The following CLDN14 variants were observed in gnomAD, a reference collection of about 807,000 sequenced individuals.
CLDN14 encodes claudin-14.
A neutral mutation model predicts 2.1 loss-of-function variants in CLDN14; 2 were observed. The ratio of observed to expected loss-of-function variants is 0.96; its 90% CI spans 0.39 to 3.01. CLDN14 has a LOEUF of 3.01. CLDN14 is among the 30% of genes most tolerant of loss of function. The pLI is 0.09. For missense variants in CLDN14, 298 were observed against 328.0 expected (o/e 0.91, Z 0.71); for synonymous variants, 136 against 154.4 (o/e 0.88, Z 0.88).
At chr21:36,552,678 C>G (rs974804100) in intron 1 of CLDN14, among the ~76,000 whole-genome samples, 1 of 98,600 alleles carries the variant, frequency 1.0e-5, no homozygotes, top group African/African-American at 3.1e-5. Context: ...TATGATAAAA[C>G]AAGACAAAAA....
At chr21:36,570,325 T>C (rs1360698085) in intron 1 of CLDN14, among the ~76,000 whole-genome samples, 2 of 152,204 alleles carry the variant, frequency 1.3e-5, no homozygotes, top group African/African-American at 2.4e-5. Context: ...AAGGTCTGTG[T>C]TGATGCTAAT....
At position 36,472,530 on chromosome 21, in the gene CLDN14, G is replaced by A. The variant is rs189754873; in HGVS notation, c.-82+6965C>T. 1.2e-4 allele frequency among the ~76,000 whole-genome samples: 18 copies of A among 152,328 alleles called. No homozygotes were observed. The East Asian group carries it at 3.3e-3, about 28-fold the overall frequency. ...TCTGTGAAGTTAGTCCTTGGACAAG[G>A]TTAACATTGAAAGCAGATTGCCCTC... is the stretch of plus-strand genomic sequence containing the variant. On this transcript the variant is annotated intron_variant, in intron 1 of 1. Transcript: ENST00000399135.
intron 1 of CLDN14, among the ~76,000 whole-genome samples, chr21:36,563,492 G>A (rs1269088577): frequency 6.6e-6 from 1 of 152,068 alleles, no homozygotes; most frequent in Non-Finnish European, 1.5e-5. Context: ...TGAATTCCGT[G>A]AATAACAACA....
chr21:36,463,180 C>T (rs2086601835), intron 1 of CLDN14, among the ~76,000 whole-genome samples: 1 of 152,212 alleles, frequency 6.6e-6, no homozygotes, highest in Non-Finnish European at 1.5e-5. Flanking sequence ...AGGTCCCAGC[C>T]CTGGCTGCGC....
At chr21:36,534,318 G>A (rs1336890989) in intron 1 of CLDN14, among the ~76,000 whole-genome samples, 1 of 152,100 alleles carries the variant, frequency 6.6e-6, no homozygotes, top group South Asian at 2.1e-4. Flanking sequence ...GGGAGTCTCC[G>A]GCAAGGCATG....
intron 1 of CLDN14, among the ~76,000 whole-genome samples, chr21:36,514,715 G>A (rs376673826): frequency 1.3e-5 from 2 of 151,446 alleles, no homozygotes; most frequent in East Asian, 3.9e-4. Context: ...GAGAGGAGAA[G>A]GGGGAGAAGG....
chr21:36,500,090 A>C (rs868039800), intron 2 of CLDN14, among the ~76,000 whole-genome samples: 1 of 152,220 alleles, frequency 6.6e-6, no homozygotes, highest in African/African-American at 2.4e-5. Context: ...GTGGTGTTTG[A>C]CTTGGCTTAG....
chr21:36,461,078 G>A lies in CLDN14; in HGVS notation c.618C>T (p.Asn206=), dbSNP rs184035890. The part of the protein sequence containing the change: ...APPRATTTTA[N]TAPAYQPPAA... ...CTGGTGGCTGGTAGGCAGGTGCGGT[G>A]TTTGCAGTGGTCGTGGTGGCCCTGG... Residue 206 remains asparagine (N), a synonymous_variant, in exon 2 of 2, where the codon AAC becomes AAT. Coordinates refer to ENST00000399135, the MANE Select transcript of CLDN14 (RefSeq NM_001146079.2). The A allele has an allele frequency of 4.3e-6, 7 of 1,614,120 alleles. No individual in the cohort carries two copies. Among genetic ancestry groups the A allele is most frequent in the Admixed American group, 1.7e-5 (1 of 60,036 alleles).
At chr21:36,464,292 T>C (rs768972737) in intron 1 of CLDN14, among the ~76,000 whole-genome samples, 11 of 152,198 alleles carry the variant, frequency 7.2e-5, no homozygotes, top group Non-Finnish European at 4.4e-5. Context: ...TGAGAGCCAA[T>C]GAAACCTCTT....
rs181898636 is a variant in CLDN14, at chr21:36,472,767, T to G, written c.-82+6728A>C. Among the ~76,000 whole-genome samples, 4 of 152,316 alleles carry G rather than the reference T, an allele frequency of 2.6e-5. No individual in the cohort carries two copies. The East Asian group carries it at 7.7e-4, about 29-fold the overall frequency. On this transcript the variant is annotated intron_variant, in intron 1 of 1. Transcript: ENST00000399135. The stretch of plus-strand genomic sequence containing the variant: ...TCCTGGTGGAAATTCACCTGACGTC[T>G]TCTTTGCATGCAGGCAGAGGAAATC...
intron 2 of CLDN14, among the ~76,000 whole-genome samples, chr21:36,488,234 C>CTTCG (rs1177617581): frequency 7.1e-6 from 1 of 140,732 alleles, no homozygotes; most frequent in Non-Finnish European, 1.6e-5. Context: ...TCCTTCCTTC[C>CTTCG]TTCCTTCCTT....
intron 1 of CLDN14, among the ~76,000 whole-genome samples, chr21:36,557,541 T>A (rs535196667): frequency 6.6e-6 from 1 of 152,346 alleles, no homozygotes; most frequent in Admixed American, 6.5e-5. Flanking sequence ...ATTAGTGACG[T>A]TGACCATCTT....
chr21:36,524,073 C>G (rs551702688), intron 1 of CLDN14, among the ~76,000 whole-genome samples: 25 of 152,128 alleles, frequency 1.6e-4, no homozygotes, highest in African/African-American at 5.8e-4. Context: ...GATCTATACC[C>G]ATCAGCAGTG....
At chr21:36,517,708 G>T (rs1280478930) in intron 1 of CLDN14, among the ~76,000 whole-genome samples, 1 of 152,210 alleles carries the variant, frequency 6.6e-6, no homozygotes, top group Non-Finnish European at 1.5e-5. Flanking sequence ...CCAGAGAATT[G>T]CTGTGATTAA....
chr21:36,493,606 C>T (rs553658942), intron 2 of CLDN14, among the ~76,000 whole-genome samples: 11 of 151,952 alleles, frequency 7.2e-5, no homozygotes, highest in African/African-American at 1.9e-4. Context: ...TCCTGGGGCA[C>T]GAGGAGGAGG....
chr21:36,485,303 G>A (rs1033009834), intron 2 of CLDN14, among the ~76,000 whole-genome samples: 1 of 143,864 alleles, frequency 7.0e-6, no homozygotes, highest in Non-Finnish European at 1.6e-5. Flanking sequence ...TTGCCTCCCA[G>A]GTTCAAGCGA....
intron 1 of CLDN14, among the ~76,000 whole-genome samples, chr21:36,521,975 AT>A (rs1706571475): frequency 6.6e-5 from 10 of 152,212 alleles, no homozygotes; most frequent in Admixed American, 6.5e-4. Flanking sequence ...AGAATTTTCT[AT>A]CAGCAGCAAC....
chr21:36,549,838 C>A (rs1167622001), intron 1 of CLDN14, among the ~76,000 whole-genome samples: 1 of 152,216 alleles, frequency 6.6e-6, no homozygotes, highest in Non-Finnish European at 1.5e-5. Context: ...CGCAATCGTC[C>A]CCTGGCCTTG....
intron 1 of CLDN14, among the ~76,000 whole-genome samples, chr21:36,539,724 T>G (rs1367521874): frequency 6.7e-6 from 1 of 148,386 alleles, no homozygotes; most frequent in Admixed American, 6.7e-5. Flanking sequence ...TGTTAGTGTG[T>G]GTGGAGTGAG....
Sources: allele counts gnomAD v4.1 joint callset (sites outside exome capture counted in the v4.1 genomes callset), GRCh38; gene constraint gnomAD v4.1.1; transcripts MANE v1.5; gene names NCBI Gene and HGNC (gene_info 2026-07-23, HGNC 2026-07-21).